EXOC4: variants seen among roughly 807,000 people sequenced by gnomAD.
EXOC4 encodes the protein SEC8-like 1.
In EXOC4, 71 loss-of-function variants were observed where a neutral mutation model predicts 107.2. The ratio of observed to expected loss-of-function variants is 0.66; its 90% CI spans 0.55 to 0.81. The LOEUF is 0.81. EXOC4 is among the 30% of genes least tolerant of loss of function. The pLI is 0.00. For missense variants in EXOC4, 1,108 were observed against 1,189.6 expected, an observed-to-expected ratio of 0.93 and a Z score of 1.01; for synonymous variants, 456 against 441.2, an observed-to-expected ratio of 1.03 and a Z score of -0.42.
chr7:133,651,980 G>A (rs1159645001), intron 10 of EXOC4, among the ~76,000 whole-genome samples: 1 of 152,086 alleles, frequency 6.6e-6, no homozygotes, highest in African/African-American at 2.4e-5. Flanking sequence ...ACGCCCTGCC[G>A]TAACTCAAAC....
At chr7:133,941,297 G>A (rs964014099) in intron 14 of EXOC4, among the ~76,000 whole-genome samples, 2 of 151,976 alleles carry the variant, frequency 1.3e-5, no homozygotes, top group African/African-American at 4.8e-5. Flanking sequence ...GCGCCTGGCC[G>A]AAAATTATTT....
chr7:133,761,589 C>G (rs1796033951), intron 10 of EXOC4, among the ~76,000 whole-genome samples: 1 of 152,092 alleles, frequency 6.6e-6, no homozygotes, highest in South Asian at 2.1e-4. Context: ...CCACGGCTGG[C>G]TTTGGCAACA....
intron 9 of EXOC4, among the ~76,000 whole-genome samples, chr7:133,612,273 G>A (rs1228602055): frequency 6.6e-6 from 1 of 152,090 alleles, no homozygotes; most frequent in African/African-American, 2.4e-5. Context: ...ATCTTCATGG[G>A]CAGATTTCTG....
At chr7:133,324,312 A>G (rs1241587914) in intron 5 of EXOC4, among the ~76,000 whole-genome samples, 1 of 152,062 alleles carries the variant, frequency 6.6e-6, no homozygotes, top group Non-Finnish European at 1.5e-5. Context: ...TAGGGTGTCA[A>G]TTTTAGATCT....
At chr7:133,955,476 G>T (rs1800795848) in intron 14 of EXOC4, among the ~76,000 whole-genome samples, 1 of 152,190 alleles carries the variant, frequency 6.6e-6, no homozygotes, top group Admixed American at 6.5e-5. Flanking sequence ...TGAGTCTGGG[G>T]CTTTTCTGGG....
intron 11 of EXOC4, among the ~76,000 whole-genome samples, chr7:133,865,959 T>C (rs1798631090): frequency 6.6e-6 from 1 of 152,204 alleles, no homozygotes; most frequent in African/African-American, 2.4e-5. Context: ...CTATGCATAT[T>C]TTCTTAATAA....
chr7:133,702,145 C>G (rs1221520406), intron 10 of EXOC4, among the ~76,000 whole-genome samples: 1 of 151,352 alleles, frequency 6.6e-6, no homozygotes, highest in Non-Finnish European at 1.5e-5. Context: ...TACTGATTAG[C>G]AATCATTTTC....
chr7:134,015,092 TGAAAGAA>T (rs1194744629), intron 17 of EXOC4, among the ~76,000 whole-genome samples: 1 of 152,040 alleles, frequency 6.6e-6, no homozygotes, highest in Non-Finnish European at 1.5e-5. Context: ...AAGGAGGTGG[TGAAAGAA>T]GAGACCTGAG....
intron 7 of EXOC4, among the ~76,000 whole-genome samples, chr7:133,459,472 C>T (rs1333569623): frequency 6.6e-6 from 1 of 152,124 alleles, no homozygotes; most frequent in Non-Finnish European, 1.5e-5. Context: ...GAGAAATGAT[C>T]CAGGTATACA....
chr7:134,019,039 C>T (rs1350347160), intron 17 of EXOC4, among the ~76,000 whole-genome samples: 1 of 152,192 alleles, frequency 6.6e-6, no homozygotes, highest in East Asian at 1.9e-4. Flanking sequence ...AAGCGATTCT[C>T]CTGCCTCAGC....
chr7:133,946,684 A>C (rs1800558649), intron 14 of EXOC4, among the ~76,000 whole-genome samples: 1 of 152,198 alleles, frequency 6.6e-6, no homozygotes, highest in African/African-American at 2.4e-5. Context: ...TATTACTAGG[A>C]ATGGAGATGC....
chr7:133,685,212 T>C (rs999369313), intron 10 of EXOC4, among the ~76,000 whole-genome samples: 7 of 152,108 alleles, frequency 4.6e-5, no homozygotes, highest in Non-Finnish European at 8.8e-5. Context: ...TGAATTGTAA[T>C]CTCCATAATC....
chr7:133,606,971 A>G (rs1393575848), intron 9 of EXOC4, among the ~76,000 whole-genome samples: 1 of 152,092 alleles, frequency 6.6e-6, no homozygotes, highest in Non-Finnish European at 1.5e-5. Flanking sequence ...TCATTTATAG[A>G]CCCTAGGATT....
At chr7:133,947,157 A>C (rs1257330371) in intron 14 of EXOC4, among the ~76,000 whole-genome samples, 2 of 152,234 alleles carry the variant, frequency 1.3e-5, no homozygotes, top group Non-Finnish European at 2.9e-5. Flanking sequence ...GGTTGCTCTA[A>C]CTATTAAATG....
At chr7:133,735,690 G>A (rs1795430103) in intron 10 of EXOC4, among the ~76,000 whole-genome samples, 1 of 151,698 alleles carries the variant, frequency 6.6e-6, no homozygotes, top group Admixed American at 6.6e-5. Context: ...TATATCAAGC[G>A]AAGCTCCCCA....
intron 10 of EXOC4, among the ~76,000 whole-genome samples, chr7:133,803,893 T>C (rs1055562781): frequency 3.9e-5 from 6 of 152,350 alleles, no homozygotes; most frequent in African/African-American, 1.4e-4. Context: ...CAGATGCCTC[T>C]TGAAGGAACA....
At chr7:133,272,680 A>C (rs1793900791) in intron 1 of EXOC4, among the ~76,000 whole-genome samples, 1 of 152,170 alleles carries the variant, frequency 6.6e-6, no homozygotes, top group African/African-American at 2.4e-5. Flanking sequence ...AGTTTACATC[A>C]AGAGGATACA....
chr7:133,804,955 C>G (rs894480320), intron 10 of EXOC4, among the ~76,000 whole-genome samples: 2 of 152,072 alleles, frequency 1.3e-5, no homozygotes, highest in African/African-American at 2.4e-5. Flanking sequence ...GAAGGACTAG[C>G]CTTTAAAGAC....
At chr7:133,421,998 A>G (rs181098409) in intron 7 of EXOC4, among the ~76,000 whole-genome samples, 1 of 152,346 alleles carries the variant, frequency 6.6e-6, no homozygotes, top group African/African-American at 2.4e-5. Flanking sequence ...GAAAGAAATA[A>G]GAACTATGTG....
Sources: gnomAD v4.1 joint callset for allele counts (sites outside exome capture counted in the v4.1 genomes callset) on GRCh38, gnomAD v4.1.1 for gene constraint, MANE v1.5 for transcripts, NCBI Gene and HGNC (gene_info 2026-07-23, HGNC 2026-07-21) for gene names.